The following LOC122539214 variants were observed in gnomAD, a reference collection of about 807,000 sequenced individuals.
At chr19:52,689,637 G>C in the LOC122539214 span, among the ~76,000 whole-genome samples, 1 of 151,640 alleles carries the variant, frequency 6.6e-6, no homozygotes, top group Non-Finnish European at 1.5e-5. Context: ...CTTTCTTATC[G>C]TTTTCTTTTC....
the LOC122539214 span, among the ~76,000 whole-genome samples, chr19:52,670,684 T>C: frequency 2.6e-5 from 4 of 152,176 alleles, no homozygotes; most frequent in African/African-American, 9.7e-5. Flanking sequence ...TGAGAACATA[T>C]GTCCAAGGTG....
At chr19:52,682,089 A>C in the LOC122539214 span, among the ~76,000 whole-genome samples, 1 of 151,706 alleles carries the variant, frequency 6.6e-6, no homozygotes, top group African/African-American at 2.4e-5. Flanking sequence ...CTCATGATTC[A>C]CCCTCTTCAG....
the LOC122539214 span, among the ~76,000 whole-genome samples, chr19:52,673,917 G>A: frequency 6.8e-6 from 1 of 147,612 alleles, no homozygotes; most frequent in African/African-American, 2.5e-5. Flanking sequence ...TAGGGAGGCT[G>A]AGGCAGGAGA....
the LOC122539214 span, among the ~76,000 whole-genome samples, chr19:52,681,759 T>C: frequency 6.6e-6 from 1 of 152,220 alleles, no homozygotes; most frequent in African/African-American, 2.4e-5. Context: ...GGAGAGAACA[T>C]GAAATAGGTT....
the LOC122539214 span, chr19:52,690,301 T>A: frequency 6.5e-6 from 1 of 152,684 alleles, no homozygotes; most frequent in African/African-American, 2.4e-5. Context: ...GGAAGCGACT[T>A]CCAGACTCTC....
the LOC122539214 span, among the ~76,000 whole-genome samples, chr19:52,671,233 G>A: frequency 2.0e-5 from 3 of 151,886 alleles, no homozygotes; most frequent in African/African-American, 7.3e-5. Flanking sequence ...CTTTACATAG[G>A]AATTTGGACA....
At chr19:52,680,081 AAGG>A in the LOC122539214 span, among the ~76,000 whole-genome samples, 7 of 152,262 alleles carry the variant, frequency 4.6e-5, no homozygotes, top group Admixed American at 1.3e-4. Context: ...TGAGAGGCTG[AAGG>A]AGGAGAATTG....
At chr19:52,689,794 G>A in the LOC122539214 span, among the ~76,000 whole-genome samples, 1 of 152,018 alleles carries the variant, frequency 6.6e-6, no homozygotes, top group Admixed American at 6.5e-5. Context: ...ATCACAGGAG[G>A]GTTTGGAGTA....
the LOC122539214 span, among the ~76,000 whole-genome samples, chr19:52,670,912 G>GCC: frequency 6.6e-6 from 1 of 152,204 alleles, no homozygotes; most frequent in Non-Finnish European, 1.5e-5. Flanking sequence ...GATAAAAGAT[G>GCC]TTGGAGACCA....
chr19:52,664,662 C>A, the LOC122539214 span, among the ~76,000 whole-genome samples: 103 of 143,872 alleles, frequency 7.2e-4, 2 homozygotes, highest in South Asian at 0.019. Flanking sequence ...GGAGGTGAGC[C>A]GGGCCTGAGC....
At chr19:52,667,455 T>C in the LOC122539214 span, among the ~76,000 whole-genome samples, 62 of 152,326 alleles carry the variant, frequency 4.1e-4, no homozygotes, top group African/African-American at 1.5e-3. Context: ...TTAGTCCTCC[T>C]GATTGTAAAA....
At chr19:52,655,379 C>T in the LOC122539214 span, 1 of 571,692 alleles carries the variant, frequency 1.7e-6, no homozygotes, top group Non-Finnish European at 3.0e-6. Context: ...TATGTAAAAC[C>T]ACTCCATAGG....
chr19:52,667,906 CAT>C, the LOC122539214 span, among the ~76,000 whole-genome samples: 1 of 152,128 alleles, frequency 6.6e-6, no homozygotes. Context: ...GTATAAAAAT[CAT>C]ACATGAAGTG....
the LOC122539214 span, among the ~76,000 whole-genome samples, chr19:52,685,164 C>G: frequency 1.3e-5 from 2 of 152,216 alleles, no homozygotes; most frequent in Non-Finnish European, 2.9e-5. Flanking sequence ...CAGACACCCA[C>G]TCTATTTTGC....
the LOC122539214 span, among the ~76,000 whole-genome samples, chr19:52,688,260 T>C: frequency 1.3e-5 from 2 of 151,914 alleles, no homozygotes; most frequent in Non-Finnish European, 2.9e-5. Context: ...AGCCTGGACC[T>C]CCCGAGCTCA....
the LOC122539214 span, among the ~76,000 whole-genome samples, chr19:52,685,694 C>T: frequency 6.6e-6 from 1 of 151,826 alleles, no homozygotes; most frequent in African/African-American, 2.4e-5. Flanking sequence ...GTCAGGAGCT[C>T]GAGACCAGCC....
At chr19:52,666,086 C>T in the LOC122539214 span, among the ~76,000 whole-genome samples, 1 of 150,828 alleles carries the variant, frequency 6.6e-6, no homozygotes, top group African/African-American at 2.4e-5. Flanking sequence ...ATGGTGTGAA[C>T]CCGGGAGGCG....
chr19:52,663,637 AC>A, the LOC122539214 span, among the ~76,000 whole-genome samples: 1 of 152,248 alleles, frequency 6.6e-6, no homozygotes, highest in Non-Finnish European at 1.5e-5. Flanking sequence ...CATTGAAACA[AC>A]CTAAAATCAT....
chr19:52,681,061 G>A, the LOC122539214 span, among the ~76,000 whole-genome samples: 7 of 151,776 alleles, frequency 4.6e-5, no homozygotes, highest in African/African-American at 1.7e-4. Flanking sequence ...AAGCCGGGCA[G>A]ATCATTTGAG....
Sources: allele counts gnomAD v4.1 joint callset (sites outside exome capture counted in the v4.1 genomes callset), GRCh38; gene constraint gnomAD v4.1.1; transcripts MANE v1.5.